LDLRAP1: variants seen among roughly 807,000 people sequenced by gnomAD.
The protein encoded by LDLRAP1 is low density lipoprotein receptor adaptor protein 1.
A neutral mutation model predicts 37.8 loss-of-function variants in LDLRAP1; 30 were observed. The ratio of observed to expected loss-of-function variants is 0.79; its 90% CI spans 0.59 to 1.08. The LOEUF is 1.08. Ranked by LOEUF, LDLRAP1 falls within the 50% of genes least tolerant of loss-of-function variation. The pLI, the probability that LDLRAP1 is intolerant of heterozygous loss-of-function variation, is 0.00. For missense variants in LDLRAP1, 375 were observed against 401.6 expected (o/e 0.93, Z 0.57); for synonymous variants, 156 against 169.8 (o/e 0.92, Z 0.63).
Position 25,555,907 on chromosome 1 carries a change from T to C in LDLRAP1, c.344+935T>C, listed in dbSNP as rs369816883. On this transcript the variant is annotated intron_variant, in intron 3 of 8. Transcript: ENST00000374338. This position sits in a 1 kb window ranked among gnomAD's most constrained non-coding sequence, Gnocchi z 4.7. Reference sequence around the variant, plus strand: ...GGTATAGTCGGGAGGAAACAGGAGATAGAGCATAGTGTTCCAAAAAGGCAA... The same window carrying C: ...GGTATAGTCGGGAGGAAACAGGAGACAGAGCATAGTGTTCCAAAAAGGCAA... Among the ~76,000 whole-genome samples the C allele has an allele frequency of 7.2e-5, 11 of 152,226 alleles. No homozygotes were observed. The South Asian group carries it at 2.3e-3, about 32-fold the overall frequency.
intron 5 of LDLRAP1, 40 bp from the exon 6 acceptor site, chr1:25,563,030 G>T (rs745411485): frequency 5.1e-6 from 8 of 1,577,166 alleles, no homozygotes; most frequent in Non-Finnish European, 5.2e-6. Flanking sequence ...ACAGAGTGCT[G>T]GGGTCTGAGG....
At chr1:25,553,879 C>G (rs1199120015) in intron 1 of LDLRAP1, 43 bp from the exon 2 acceptor site, 1 of 1,608,002 alleles carries the variant, frequency 6.2e-7, no homozygotes, top group Non-Finnish European at 8.5e-7. Flanking sequence ...TGGTGGTGGG[C>G]CCTGAGCCGC....
At position 25,568,377 on chromosome 1, in the gene LDLRAP1, C is replaced by T. The variant is rs534090100; in HGVS notation, c.*1385C>T. Reference sequence around the variant, plus strand: ...CTTTAGAATCGCTTTCCTTCCTCCCCTTTTGCCCCCGTGGGGCTCCCGGCA... The same window carrying T: ...CTTTAGAATCGCTTTCCTTCCTCCCTTTTTGCCCCCGTGGGGCTCCCGGCA... On this transcript the variant is annotated 3_prime_UTR_variant, in exon 9 of 9. Coordinates refer to ENST00000374338, the MANE Select transcript of LDLRAP1 (RefSeq NM_015627.3). 1 of 152,442 alleles carries T rather than the reference C, an allele frequency of 6.6e-6. No individual in the cohort carries two copies. The highest frequency in any genetic ancestry group is 2.4e-5 in the African/African-American group (1 of 41,584). 9.4% of individuals were successfully genotyped at this position (152,442 alleles called of 1,614,324 possible). A position where few individuals can be genotyped will look rare whatever the true frequency, so the allele number is the denominator to read the frequency against.
the LDLRAP1 span, among the ~76,000 whole-genome samples, chr1:25,573,892 A>G: frequency 2.6e-5 from 4 of 152,210 alleles, no homozygotes; most frequent in Non-Finnish European, 5.9e-5. Context: ...AGGCGTCTGG[A>G]ACATGGCAGC....
At position 25,554,928 on chromosome 1, in the gene LDLRAP1, A is replaced by G. The variant is rs755597571; in HGVS notation, c.300A>G (p.Thr100=). ...TGTCGCCACGGGGAATTATCCTGACAGACAACCTCACCAACCAGCTCATTG... is the reference window on the plus strand; with the variant it reads ...TGTCGCCACGGGGAATTATCCTGACGGACAACCTCACCAACCAGCTCATTG... The part of the protein sequence containing the change: ...LKVSPRGIIL[T]DNLTNQLIEN... Residue 100 remains threonine, a synonymous_variant, in exon 3 of 9, where the codon ACA becomes ACG. Transcript: ENST00000374338. The surrounding 1 kb of genome is among the most constrained non-coding windows in gnomAD (Gnocchi z 5.4). 3.1e-6 allele frequency: 5 copies of G among 1,614,224 alleles called. No individual in the cohort carries two copies. The highest frequency in any genetic ancestry group is 3.3e-4 in the Middle Eastern group (2 of 6,062).
downstream of LDLRAP1, among the ~76,000 whole-genome samples, chr1:25,570,323 A>C (rs971851211): frequency 6.6e-6 from 1 of 152,204 alleles, no homozygotes; most frequent in Non-Finnish European, 1.5e-5. Flanking sequence ...TCTTTCATGC[A>C]TAAGGGATGA....
chr1:25,546,829 G>C (rs926118447), intron 1 of LDLRAP1, among the ~76,000 whole-genome samples: 1 of 133,514 alleles, frequency 7.5e-6, no homozygotes, highest in Non-Finnish European at 1.5e-5. Context: ...GGGTTTTTTT[G>C]TGATTTTTTT....
intron 8 of LDLRAP1, among the ~76,000 whole-genome samples, chr1:25,566,617 G>A (rs2044487258): frequency 6.6e-6 from 1 of 151,906 alleles, no homozygotes; most frequent in African/African-American, 2.4e-5. Flanking sequence ...CAGAGTGGGT[G>A]CTCTGGCCTC....
downstream of LDLRAP1, among the ~76,000 whole-genome samples, chr1:25,572,595 A>T (rs2044620114): frequency 6.6e-6 from 1 of 151,964 alleles, no homozygotes; most frequent in Admixed American, 6.6e-5. Flanking sequence ...GGGAGTTGAG[A>T]CCTGCAGAGG....
chr1:25,582,028 G>C, the LDLRAP1 span, among the ~76,000 whole-genome samples: 1 of 152,168 alleles, frequency 6.6e-6, no homozygotes, highest in South Asian at 2.1e-4. Context: ...CCCACCCAGC[G>C]CAGGCCTGGG....
intron 1 of LDLRAP1, among the ~76,000 whole-genome samples, chr1:25,551,845 G>T: frequency 6.6e-6 from 1 of 152,086 alleles, no homozygotes; most frequent in East Asian, 1.9e-4. Flanking sequence ...GGATGGGGTT[G>T]TCCTCGTCAT....
At chr1:25,579,988 C>T in the LDLRAP1 span, among the ~76,000 whole-genome samples, 13 of 152,140 alleles carry the variant, frequency 8.5e-5, no homozygotes, top group African/African-American at 3.1e-4. Flanking sequence ...AACTGACCCT[C>T]GCTAATTTAA....
the LDLRAP1 span, among the ~76,000 whole-genome samples, chr1:25,582,316 G>T: frequency 1.3e-5 from 2 of 152,204 alleles, no homozygotes; most frequent in Non-Finnish European, 1.5e-5. Context: ...TCTGGGCGTG[G>T]TGGCTCACGC....
At chr1:25,582,314 T>C in the LDLRAP1 span, among the ~76,000 whole-genome samples, 76,877 of 152,118 alleles carry the variant, frequency 0.51, 20,416 homozygotes, top group East Asian at 0.68. Flanking sequence ...GGTCTGGGCG[T>C]GGTGGCTCAC....
At chr1:25,578,226 A>G in the LDLRAP1 span, among the ~76,000 whole-genome samples, 1 of 152,202 alleles carries the variant, frequency 6.6e-6, no homozygotes, top group Non-Finnish European at 1.5e-5. Context: ...ACAAAAATCA[A>G]GCTTTTAAAG....
chr1:25,577,738 G>C, the LDLRAP1 span, among the ~76,000 whole-genome samples: 2,588 of 152,280 alleles, frequency 0.017, 161 homozygotes, highest in Admixed American at 0.11. Context: ...CTCAGGTCCC[G>C]GCATCACCGT....
rs1376860232 is a variant in LDLRAP1 at position 25,555,249 on chromosome 1, TC to T, written c.344+283del. Among the ~76,000 whole-genome samples the T allele has an allele frequency of 1.3e-5, 2 of 152,102 alleles. No homozygotes were observed. The highest frequency in any genetic ancestry group is 2.9e-5 in the Non-Finnish European group (2 of 68,014). On this transcript the variant is annotated intron_variant, in intron 3 of 8. Transcript: ENST00000374338. The surrounding 1 kb of genome is among the most constrained non-coding windows in gnomAD (Gnocchi z 4.7). ...AGACAGCTGAGCCCACCCGTGCCCT[TC>T]CCCCCTACTCCCCACCAGCATGCCG...
chr1:25,557,884 T>C (rs1300340458), intron 4 of LDLRAP1, among the ~76,000 whole-genome samples: 2 of 99,932 alleles, frequency 2.0e-5, no homozygotes, highest in African/African-American at 9.7e-5. Flanking sequence ...TCCATTTTTT[T>C]TTCTTCTTTT....
chr1:25,559,404 A>G (rs924728747), intron 4 of LDLRAP1, among the ~76,000 whole-genome samples: 3 of 152,086 alleles, frequency 2.0e-5, no homozygotes, highest in African/African-American at 7.2e-5. Flanking sequence ...CACAGACTTG[A>G]GTGAAATCAG....
Sources: allele counts gnomAD v4.1 joint callset (sites outside exome capture counted in the v4.1 genomes callset), GRCh38; gene constraint gnomAD v4.1.1; non-coding constraint Gnocchi (gnomAD v3.1); transcripts MANE v1.5; gene names NCBI Gene and HGNC (gene_info 2026-07-23, HGNC 2026-07-21).